Variants in VANGL1 observed in about 807,000 individuals in gnomAD.
VANGL1 encodes the protein VANGL planar cell polarity protein 1.
In VANGL1, 18 loss-of-function variants were observed where a neutral mutation model predicts 48.4. The observed-to-expected ratio is 0.37, with a 90% confidence interval of 0.26 to 0.55. VANGL1 has a LOEUF of 0.55. Among genes scored for constraint, VANGL1 ranks in the 20% least tolerant of loss-of-function variants. The pLI, the probability that VANGL1 is intolerant of heterozygous loss-of-function variation, is 0.81. For synonymous variants in VANGL1, 257 were observed against 261.8 expected (o/e 0.98, Z 0.18); for missense variants, 667 against 675.8 (o/e 0.99, Z 0.14).
At chr1:115,661,301 C>T (rs1652537080) in intron 3 of VANGL1, among the ~76,000 whole-genome samples, 1 of 151,976 alleles carries the variant, frequency 6.6e-6, no homozygotes. Flanking sequence ...ACATGTGCAC[C>T]CCAGGAAATT....
At chr1:115,664,819 G>A (rs189837631) in intron 4 of VANGL1, among the ~76,000 whole-genome samples, 25 of 152,286 alleles carry the variant, frequency 1.6e-4, no homozygotes, top group African/African-American at 4.3e-4. Flanking sequence ...AAATGTATGC[G>A]TGAGAAAAAG....
rs967092623 is a variant in VANGL1, at chr1:115,687,371, A to C, written c.1314+1844A>C. Among the ~76,000 whole-genome samples the C allele has an allele frequency of 2.2e-5, 3 of 139,144 alleles. 1 individual carries two copies. The Admixed American group carries it at 2.2e-4, about 10-fold the overall frequency. 91.3% of individuals were successfully genotyped at this position (139,144 alleles called of 152,430 possible). ...CATGTGAATACTGTGGTTGCAAATG[A>C]GGAAAATATGTCTGCAGGTATAAAA... On this transcript the variant is annotated intron_variant, in intron 7 of 7. Transcript: ENST00000355485.
chr1:115,646,511 T>TTG (rs1651919256), intron 1 of VANGL1, among the ~76,000 whole-genome samples: 1 of 145,090 alleles, frequency 6.9e-6, no homozygotes, highest in Non-Finnish European at 1.5e-5. Context: ...TTTTTTTTTT[T>TTG]GATAGTTCTG....
chr1:115,697,717 T>C lies in VANGL1; in HGVS notation c.*6338T>C, dbSNP rs1654081370. On this transcript the variant is annotated 3_prime_UTR_variant, in exon 8 of 8. Coordinates refer to ENST00000355485, the MANE Select transcript of VANGL1 (RefSeq NM_138959.3). Reference sequence around the variant, plus strand: ...TTCCTGATTTCAAGTCCAGCACCAATTTAGAAAGTTCAGAGATGAAACCAC... The same window carrying C: ...TTCCTGATTTCAAGTCCAGCACCAACTTAGAAAGTTCAGAGATGAAACCAC... The C allele has an allele frequency of 6.6e-6, 1 of 152,228 alleles. No individual in the cohort carries two copies. The highest frequency in any genetic ancestry group is 1.5e-5 in the Non-Finnish European group (1 of 68,020). The allele number at this position is 152,228 out of a possible 1,614,324, so 9.4% of individuals were successfully genotyped here.
At position 115,696,916 on chromosome 1, in the gene VANGL1, C is replaced by T. The variant is rs565480444; in HGVS notation, c.*5537C>T. ...GGGGACAAAGGTGACAAACCCCAGG[C>T]TTTTATCTTAAAAGTGTCTTTGGCA... On this transcript the variant is annotated 3_prime_UTR_variant, in exon 8 of 8. Transcript: ENST00000355485. The T allele has an allele frequency of 6.6e-6, 1 of 152,274 alleles. No individual in the cohort carries two copies. Among genetic ancestry groups the T allele is most frequent in the Non-Finnish European group, 1.5e-5 (1 of 68,010 alleles). The allele number at this position is 152,274 out of a possible 1,614,324, so 9.4% of individuals were successfully genotyped here.
At chr1:115,654,430 C>T (rs1403134343) in intron 2 of VANGL1, among the ~76,000 whole-genome samples, 1 of 149,740 alleles carries the variant, frequency 6.7e-6, no homozygotes, top group Non-Finnish European at 1.5e-5. Context: ...TCCTGCTGAC[C>T]CCGCCTAACT....
chr1:115,666,952 C>T (rs1457509282), intron 4 of VANGL1, among the ~76,000 whole-genome samples: 1 of 152,214 alleles, frequency 6.6e-6, no homozygotes, highest in African/African-American at 2.4e-5. Context: ...GGTCTGAACC[C>T]AGCAGTGGCT....
intron 1 of VANGL1, among the ~76,000 whole-genome samples, chr1:115,643,201 G>T (rs1021459812): frequency 6.6e-6 from 1 of 152,336 alleles, no homozygotes; most frequent in East Asian, 1.9e-4. Flanking sequence ...AACTGTAAAA[G>T]AATCTGGCAT....
At chr1:115,656,738 A>G (rs1226706833) in intron 2 of VANGL1, among the ~76,000 whole-genome samples, 1 of 152,130 alleles carries the variant, frequency 6.6e-6, no homozygotes, top group Non-Finnish European at 1.5e-5. Context: ...GGTGATGGCA[A>G]CCCTGGCTGG....
intron 4 of VANGL1, among the ~76,000 whole-genome samples, chr1:115,679,369 G>T (rs1196307341): frequency 6.6e-6 from 1 of 152,230 alleles, no homozygotes; most frequent in African/African-American, 2.4e-5. Context: ...CCCAGGGCTG[G>T]CATCCCACAG....
At chr1:115,673,976 A>G (rs1056538117) in intron 4 of VANGL1, among the ~76,000 whole-genome samples, 1 of 152,178 alleles carries the variant, frequency 6.6e-6, no homozygotes, top group Non-Finnish European at 1.5e-5. Context: ...CTGTGTCCAA[A>G]TAAGGTCACA....
intron 2 of VANGL1, among the ~76,000 whole-genome samples, chr1:115,655,516 A>T (rs1034022920): frequency 5.9e-5 from 9 of 152,172 alleles, no homozygotes; most frequent in African/African-American, 2.2e-4. Context: ...CTTTACTCAT[A>T]CAGGCAGATG....
chr1:115,697,534 G>A lies in VANGL1; in HGVS notation c.*6155G>A, dbSNP rs1292792460. ...GAGTGCAGGATGCCAGCAAAGATGA[G>A]GGTGGGGGCAGATACTGGCTCAGTG... On this transcript the variant is annotated 3_prime_UTR_variant, in exon 8 of 8. Coordinates refer to ENST00000355485, the MANE Select transcript of VANGL1 (RefSeq NM_138959.3). 1 of 152,162 alleles carries A rather than the reference G, an allele frequency of 6.6e-6. No homozygotes were observed. Among genetic ancestry groups the A allele is most frequent in the Non-Finnish European group, 1.5e-5 (1 of 68,034 alleles). The allele number at this position is 152,162 out of a possible 1,614,324, so 9.4% of individuals were successfully genotyped here.
chr1:115,687,146 T>C lies in VANGL1; in HGVS notation c.1314+1619T>C, dbSNP rs1465481599. Among the ~76,000 whole-genome samples the C allele has an allele frequency of 5.0e-5, 7 of 138,800 alleles. 1 individual carries two copies. 91.1% of individuals were successfully genotyped at this position (138,800 alleles called of 152,430 possible). On this transcript the variant is annotated intron_variant, in intron 7 of 7. Transcript: ENST00000355485. ...AGTTTTCTGTATTGATTCACTAATC[T>C]CTCTCCTAGGAAAACTATTTCCTAC...
At position 115,670,635 on chromosome 1, in the gene VANGL1, C is replaced by G. The variant is rs117336001; in HGVS notation, c.812+6367C>G. ...CTCATGCTGGGCCACGCCCTCCATC[C>G]CATGTTCACGATGAGCACCAACGGT... On this transcript the variant is annotated intron_variant, in intron 4 of 7. Coordinates refer to ENST00000355485, the MANE Select transcript of VANGL1 (RefSeq NM_138959.3). Among the ~76,000 whole-genome samples the G allele has an allele frequency of 6.5e-4, 99 of 152,296 alleles. 1 individual carries two copies. In the East Asian group the frequency reaches 0.017, roughly 26 times the overall value.
intron 7 of VANGL1, among the ~76,000 whole-genome samples, chr1:115,685,794 T>C (rs899830967): frequency 2.0e-5 from 3 of 152,144 alleles, no homozygotes; most frequent in Admixed American, 1.3e-4. Context: ...CAGTATGGAA[T>C]AGTGATTAGG....
At chr1:115,684,370 C>T (rs1289685315) in intron 6 of VANGL1, among the ~76,000 whole-genome samples, 7 of 152,066 alleles carry the variant, frequency 4.6e-5, no homozygotes, top group Non-Finnish European at 1.0e-4. Context: ...AAACTCCTGA[C>T]CTCGAGTGAT....
intron 2 of VANGL1, among the ~76,000 whole-genome samples, chr1:115,656,642 G>A (rs1002806994): frequency 6.6e-6 from 1 of 152,196 alleles, no homozygotes; most frequent in African/African-American, 2.4e-5. Context: ...TTCTTCTCTG[G>A]TTTCCCTCCG....
intron 7 of VANGL1, among the ~76,000 whole-genome samples, chr1:115,687,987 T>C (rs148894642): frequency 0.015 from 1,919 of 129,354 alleles, 349 homozygotes; most frequent in Admixed American, 0.023. Flanking sequence ...GATAGATAGA[T>C]AGACACATAG....
Sources: gnomAD v4.1 joint callset for allele counts (sites outside exome capture counted in the v4.1 genomes callset) on GRCh38, gnomAD v4.1.1 for gene constraint, MANE v1.5 for transcripts, NCBI Gene and HGNC (gene_info 2026-07-23, HGNC 2026-07-21) for gene names.